Variants in GPC5 observed in about 807,000 individuals in gnomAD.
GPC5 encodes the protein glypican-5.
A neutral mutation model predicts 53.9 loss-of-function variants in GPC5; 47 were observed. The observed-to-expected ratio is 0.87, with a 90% CI of 0.69 to 1.11. The LOEUF (loss-of-function observed/expected upper bound fraction) is 1.11. Among genes scored for constraint, GPC5 ranks in the 50% most tolerant of loss-of-function variants. GPC5 has a pLI of 0.00. For missense variants in GPC5, 748 were observed against 713.1 expected (o/e 1.05, Z -0.56); for synonymous variants, 286 against 263.3 (o/e 1.09, Z -0.84).
intron 6 of GPC5, among the ~76,000 whole-genome samples, chr13:91,962,178 TG>T (rs1468718142): frequency 7.2e-5 from 11 of 152,036 alleles, no homozygotes; most frequent in Non-Finnish European, 1.3e-4. Flanking sequence ...TATGGAGTAG[TG>T]GGGGTTGAAA....
chr13:92,480,831 G>A (rs1879321387), intron 7 of GPC5, among the ~76,000 whole-genome samples: 4 of 152,186 alleles, frequency 2.6e-5, no homozygotes, highest in African/African-American at 9.7e-5. Context: ...GGTGAGTTCA[G>A]TGTAGTCATA....
intron 7 of GPC5, among the ~76,000 whole-genome samples, chr13:92,384,456 T>C (rs2043775891): frequency 1.3e-5 from 2 of 151,706 alleles, no homozygotes; most frequent in South Asian, 4.2e-4. Context: ...AGACACAGTA[T>C]GACTTAAAGG....
intron 6 of GPC5, among the ~76,000 whole-genome samples, chr13:92,139,151 T>A (rs1452194840): frequency 6.6e-6 from 1 of 152,178 alleles, no homozygotes; most frequent in East Asian, 1.9e-4. Context: ...AGGAATAAGG[T>A]CATTTTAAAT....
chr13:92,731,418 G>T (rs1000728077), intron 7 of GPC5, among the ~76,000 whole-genome samples: 2 of 151,060 alleles, frequency 1.3e-5, no homozygotes, highest in Non-Finnish European at 3.0e-5. Flanking sequence ...GAAAACTGGG[G>T]GAAATATATT....
At chr13:92,380,282 C>A (rs1334023794) in intron 7 of GPC5, among the ~76,000 whole-genome samples, 2 of 152,064 alleles carry the variant, frequency 1.3e-5, no homozygotes, top group Non-Finnish European at 2.9e-5. Flanking sequence ...GGAGAGGCAA[C>A]CCTCTCCATC....
At chr13:92,094,776 AT>A (rs1205804850) in intron 6 of GPC5, among the ~76,000 whole-genome samples, 1 of 151,744 alleles carries the variant, frequency 6.6e-6, no homozygotes, top group Non-Finnish European at 1.5e-5. Context: ...GCTGTTTCAA[AT>A]TCTGTTATTT....
chr13:92,556,089 G>A (rs1318825333), intron 7 of GPC5, among the ~76,000 whole-genome samples: 1 of 151,530 alleles, frequency 6.6e-6, no homozygotes, highest in East Asian at 1.9e-4. Context: ...TTGAGTATTT[G>A]GAATTTATGT....
chr13:91,505,468 G>C (rs953921629), intron 2 of GPC5, among the ~76,000 whole-genome samples: 2 of 152,092 alleles, frequency 1.3e-5, no homozygotes, highest in African/African-American at 4.8e-5. Flanking sequence ...GCTGGTAGTG[G>C]GGACATGATG....
chr13:92,140,483 C>A (rs2041822294), intron 6 of GPC5, among the ~76,000 whole-genome samples: 3 of 152,130 alleles, frequency 2.0e-5, no homozygotes, highest in Admixed American at 2.0e-4. Flanking sequence ...AAGATTGCCT[C>A]CTGCAAAATT....
intron 2 of GPC5, among the ~76,000 whole-genome samples, chr13:91,599,952 T>G (rs1042730127): frequency 1.3e-5 from 2 of 152,152 alleles, no homozygotes; most frequent in African/African-American, 4.8e-5. Context: ...AACGGAGCCT[T>G]GCTGTGTTAC....
At chr13:91,494,241 C>T (rs1306301382) in intron 2 of GPC5, among the ~76,000 whole-genome samples, 2 of 151,792 alleles carry the variant, frequency 1.3e-5, no homozygotes, top group East Asian at 3.9e-4. Flanking sequence ...TTGCAAAGGC[C>T]AGCCCTTGTT....
At chr13:91,893,997 T>C (rs756694659) in intron 5 of GPC5, among the ~76,000 whole-genome samples, 6 of 152,082 alleles carry the variant, frequency 3.9e-5, no homozygotes, top group Non-Finnish European at 7.4e-5. Flanking sequence ...CAAAGCAATT[T>C]TTATGTTGGA....
At chr13:92,538,443 TTTTC>T (rs1216580335) in intron 7 of GPC5, among the ~76,000 whole-genome samples, 66 of 151,322 alleles carry the variant, frequency 4.4e-4, no homozygotes, top group Admixed American at 1.5e-3. Flanking sequence ...CCCATTTCTT[TTTTC>T]TTTCTTTCTT....
chr13:92,173,168 C>T (rs930533781), intron 7 of GPC5, among the ~76,000 whole-genome samples: 2 of 151,716 alleles, frequency 1.3e-5, no homozygotes, highest in South Asian at 2.1e-4. Flanking sequence ...AACTAAACTC[C>T]CATTTGACTC....
chr13:91,693,190 C>A lies in GPC5; in HGVS notation c.329C>A (p.Thr110Asn). 3 of 1,610,398 alleles carry A rather than the reference C, an allele frequency of 1.9e-6. No homozygotes were observed. The highest frequency in any genetic ancestry group is 1.3e-5 in the African/African-American group (1 of 74,792). The change falls in exon 3 of 8, where the codon ACC (threonine) becomes AAC (asparagine). Residue 110 changes from threonine (T) to asparagine (N), a missense_variant. By Grantham distance (65) the Thr-to-Asn change is moderately conservative. Coordinates refer to ENST00000377067, the MANE Select transcript of GPC5 (RefSeq NM_004466.6). ...ISRNAAAFQE[T>N]LETLIKQAEN... Reference sequence around the variant, plus strand: ...TTTACCTCTGCTTGTGTTACAGAAACCCTTGAAACTCTCATCAAACAAGCA... The same window carrying A: ...TTTACCTCTGCTTGTGTTACAGAAAACCTTGAAACTCTCATCAAACAAGCA...
intron 2 of GPC5, among the ~76,000 whole-genome samples, chr13:91,675,699 A>G (rs1313226400): frequency 6.6e-6 from 1 of 152,190 alleles, no homozygotes; most frequent in African/African-American, 2.4e-5. Flanking sequence ...AATGATGAAT[A>G]TGTGTTCCAG....
At chr13:91,985,226 A>AT (rs1251711486) in intron 6 of GPC5, among the ~76,000 whole-genome samples, 2 of 152,064 alleles carry the variant, frequency 1.3e-5, no homozygotes, top group Non-Finnish European at 1.5e-5. Flanking sequence ...TTCTTGTAAT[A>AT]TTTTTGCCTT....
At chr13:92,650,478 T>TAA (rs1566342376) in intron 7 of GPC5, among the ~76,000 whole-genome samples, 14 of 152,140 alleles carry the variant, frequency 9.2e-5, no homozygotes, top group African/African-American at 3.4e-4. Context: ...AGCTCAAATT[T>TAA]AATATTTTAA....
At chr13:91,727,987 T>C (rs2140005383) in intron 3 of GPC5, among the ~76,000 whole-genome samples, 1 of 152,238 alleles carries the variant, frequency 6.6e-6, no homozygotes, top group Non-Finnish European at 1.5e-5. Context: ...AATAACACCC[T>C]AAAATTACAC....
Sources: allele counts gnomAD v4.1 joint callset (sites outside exome capture counted in the v4.1 genomes callset), GRCh38; gene constraint gnomAD v4.1.1; transcripts MANE v1.5; gene names NCBI Gene and HGNC (gene_info 2026-07-23, HGNC 2026-07-21).